CCDC192: variants seen among roughly 807,000 people sequenced by gnomAD.
The protein encoded by CCDC192 is coiled-coil domain-containing protein 192.
chr5:127,830,286 A>T (rs1749727007), intron 5 of CCDC192, among the ~76,000 whole-genome samples: 1 of 152,136 alleles, frequency 6.6e-6, no homozygotes. Context: ...GTTTCCATTT[A>T]TTTTTGTAGA....
intron 6 of CCDC192, among the ~76,000 whole-genome samples, chr5:127,923,876 A>G (rs1476081482): frequency 1.3e-5 from 2 of 152,250 alleles, no homozygotes; most frequent in Non-Finnish European, 2.9e-5. Context: ...CTTATGAAGA[A>G]TGCAACCACC....
chr5:127,722,216 G>T (rs957327587), intron 2 of CCDC192, among the ~76,000 whole-genome samples: 12 of 152,112 alleles, frequency 7.9e-5, no homozygotes, highest in Non-Finnish European at 1.2e-4. Flanking sequence ...GATGATCAGT[G>T]ATGTCAAGCA....
chr5:127,722,908 T>C (rs1467821551), intron 2 of CCDC192, among the ~76,000 whole-genome samples: 2 of 152,224 alleles, frequency 1.3e-5, no homozygotes, highest in Non-Finnish European at 2.9e-5. Flanking sequence ...CCAGTTTTGC[T>C]CTTTTTGCTC....
At chr5:127,877,622 G>A (rs1218413836) in intron 6 of CCDC192, among the ~76,000 whole-genome samples, 1 of 152,052 alleles carries the variant, frequency 6.6e-6, no homozygotes, top group Non-Finnish European at 1.5e-5. Context: ...AGTCCGGGAG[G>A]TTGTCAAGGC....
chr5:127,825,120 G>T (rs1749466488), intron 5 of CCDC192, among the ~76,000 whole-genome samples: 1 of 152,130 alleles, frequency 6.6e-6, no homozygotes, highest in Non-Finnish European at 1.5e-5. Flanking sequence ...GTTTTAAGGA[G>T]TATTGACTAA....
chr5:127,752,800 A>T (rs1462757302), intron 2 of CCDC192, among the ~76,000 whole-genome samples: 1 of 152,064 alleles, frequency 6.6e-6, no homozygotes, highest in Non-Finnish European at 1.5e-5. Context: ...GCCAGGTGCG[A>T]GATATAATCT....
At position 127,843,325 on chromosome 5, in the gene CCDC192, A is replaced by G. The variant is rs185307097; in HGVS notation, c.412-32213A>G. ...AGTGCTGGGATTACAGGCGTGAGCC[A>G]TCGCAGCCAGCCAAAAGTTTTTTTT... is the stretch of plus-strand genomic sequence containing the variant. On this transcript the variant is annotated intron_variant, in intron 5 of 6. Transcript: ENST00000514853. Among the ~76,000 whole-genome samples the G allele has an allele frequency of 4.4e-3, 672 of 152,142 alleles. 3 individuals are homozygous for G. Among genetic ancestry groups the G allele is most frequent in the African/African-American group, 0.015 (635 of 41,512 alleles).
rs767698638 is a variant in CCDC192, at chr5:127,745,174, C to T, written c.115-9094C>T. ...TGCAGACAGGAATCTTTCTAGATAC[C>T]GCACATGAAGTTGGATCAGTCAGAA... On this transcript the variant is annotated intron_variant, in intron 2 of 6. Transcript: ENST00000514853. 6.3e-4 allele frequency among the ~76,000 whole-genome samples: 96 copies of T among 152,124 alleles called. 1 individual carries two copies. Among genetic ancestry groups the T allele is most frequent in the Non-Finnish European group, 1.2e-4 (8 of 68,036 alleles).
chr5:127,707,082 G>T (rs79441345), intron 1 of CCDC192, among the ~76,000 whole-genome samples: 108 of 152,320 alleles, frequency 7.1e-4, no homozygotes, highest in African/African-American at 2.5e-3. Context: ...TTGGACAAGT[G>T]CAGTTTCTGT....
chr5:127,800,395 A>AAAAAAAAAAAAAAAAG (rs1757432227), intron 5 of CCDC192, among the ~76,000 whole-genome samples: 1 of 138,654 alleles, frequency 7.2e-6, no homozygotes, highest in African/African-American at 2.6e-5. Flanking sequence ...AAAAAAAAAA[A>AAAAAAAAAAAAAAAAG]AAAAAACAAC....
At chr5:127,781,680 C>G (rs1327515976) in intron 3 of CCDC192, among the ~76,000 whole-genome samples, 1 of 151,236 alleles carries the variant, frequency 6.6e-6, no homozygotes, top group Admixed American at 6.6e-5. Flanking sequence ...TTTGTGTACA[C>G]TAATTTTGTA....
chr5:127,847,839 A>AAATG (rs1207273554), intron 5 of CCDC192, among the ~76,000 whole-genome samples: 1 of 151,012 alleles, frequency 6.6e-6, no homozygotes, highest in African/African-American at 2.4e-5. Flanking sequence ...ATAAATAAAT[A>AAATG]AATAAATAAA....
intron 2 of CCDC192, among the ~76,000 whole-genome samples, chr5:127,732,494 T>C (rs1752697300): frequency 6.6e-6 from 1 of 152,232 alleles, no homozygotes; most frequent in Non-Finnish European, 1.5e-5. Context: ...CATTACTAGG[T>C]ATATACCCAG....
At chr5:127,752,508 C>G (rs1356622722) in intron 2 of CCDC192, among the ~76,000 whole-genome samples, 2 of 152,216 alleles carry the variant, frequency 1.3e-5, no homozygotes, top group East Asian at 1.9e-4. Context: ...AACCACTGCT[C>G]TCTTCAAAGC....
intron 5 of CCDC192, among the ~76,000 whole-genome samples, chr5:127,852,142 C>T (rs1750824538): frequency 6.6e-6 from 1 of 152,156 alleles, no homozygotes; most frequent in Non-Finnish European, 1.5e-5. Context: ...ACACTACTGC[C>T]TATCACACGT....
intron 3 of CCDC192, among the ~76,000 whole-genome samples, chr5:127,771,962 A>G (rs1755581544): frequency 6.6e-6 from 1 of 152,146 alleles, no homozygotes. Flanking sequence ...ACACAGGAAG[A>G]GGAGAGGCAA....
chr5:127,707,406 C>CAT (rs1751033717), intron 1 of CCDC192, among the ~76,000 whole-genome samples: 1 of 147,232 alleles, frequency 6.8e-6, no homozygotes, highest in Non-Finnish European at 1.5e-5. Flanking sequence ...CCTCTCCCCA[C>CAT]TTTTTTTTTT....
intron 5 of CCDC192, among the ~76,000 whole-genome samples, chr5:127,875,001 G>A (rs890002349): frequency 2.0e-5 from 3 of 151,232 alleles, no homozygotes; most frequent in Non-Finnish European, 2.9e-5. Flanking sequence ...TATGCTTGAC[G>A]CTTTCTTACC....
At chr5:127,853,446 A>G (rs748800892) in intron 5 of CCDC192, among the ~76,000 whole-genome samples, 1 of 152,136 alleles carries the variant, frequency 6.6e-6, no homozygotes, top group Non-Finnish European at 1.5e-5. Flanking sequence ...TTTATAGATA[A>G]TACATTCCTA....
Sources: gnomAD v4.1 joint callset for allele counts (sites outside exome capture counted in the v4.1 genomes callset) on GRCh38, gnomAD v4.1.1 for gene constraint, MANE v1.5 for transcripts, NCBI Gene and HGNC (gene_info 2026-07-23, HGNC 2026-07-21) for gene names.